Variants in UHRF1 observed in about 807,000 individuals in gnomAD.
The protein encoded by UHRF1 is ubiquitin like with PHD and ring finger domains 1.
In UHRF1, 9 loss-of-function variants were observed where a neutral mutation model predicts 96.5. The ratio of observed to expected loss-of-function variants is 0.09; its 90% confidence interval spans 0.06 to 0.16. The LOEUF is 0.16. Ranked by LOEUF, UHRF1 falls within the 10% of genes least tolerant of loss-of-function variation. UHRF1 has a pLI of 1.00. For synonymous variants in UHRF1, 455 were observed against 469.9 expected (o/e 0.97, Z 0.41); for missense variants, 626 against 1,131.1 (o/e 0.55, Z 6.40).
At chr19:4,943,758 C>T (rs1234792760) in intron 7 of UHRF1, among the ~76,000 whole-genome samples, 1 of 152,060 alleles carries the variant, frequency 6.6e-6, no homozygotes, top group Non-Finnish European at 1.5e-5. Context: ...TCAAGCGATT[C>T]TCCTGCCTCA....
At chr19:4,916,037 T>C (rs917999735) in intron 2 of UHRF1, among the ~76,000 whole-genome samples, 3 of 152,014 alleles carry the variant, frequency 2.0e-5, no homozygotes, top group Non-Finnish European at 4.4e-5. Context: ...AGGCCAGGCA[T>C]GGTAGCTCAC....
At chr19:4,959,223 A>G (rs17879297) in intron 16 of UHRF1, among the ~76,000 whole-genome samples, 3,614 of 150,252 alleles carry the variant, frequency 0.024, 143 homozygotes, top group African/African-American at 0.081. Context: ...CCAGCTACTC[A>G]GGAGGCTGAG....
chr19:4,908,545 C>T (rs1167461911), upstream of UHRF1, among the ~76,000 whole-genome samples: 1 of 152,060 alleles, frequency 6.6e-6, no homozygotes, highest in Non-Finnish European at 1.5e-5. Flanking sequence ...TTTCCGGCCT[C>T]TGGGTTTGAC....
intron 15 of UHRF1, among the ~76,000 whole-genome samples, chr19:4,955,902 C>T (rs2033845436): frequency 6.6e-6 from 1 of 152,066 alleles, no homozygotes; most frequent in African/African-American, 2.4e-5. Context: ...ACTCCCAGGC[C>T]ACGCCTATGT....
At chr19:4,936,670 A>G (rs2033225257) in intron 5 of UHRF1, among the ~76,000 whole-genome samples, 1 of 152,052 alleles carries the variant, frequency 6.6e-6, no homozygotes, top group South Asian at 2.1e-4. Flanking sequence ...GGCTAGGCGC[A>G]GTGGCTCAGG....
At chr19:4,941,085 G>GTTTTT (rs869250736) in intron 5 of UHRF1, among the ~76,000 whole-genome samples, 535 of 50,006 alleles carry the variant, frequency 0.011, no homozygotes, top group Middle Eastern at 0.019. Flanking sequence ...TCTGTGTTTT[G>GTTTTT]TTTTTTTTTT....
intron 16 of UHRF1, among the ~76,000 whole-genome samples, chr19:4,958,781 G>C (rs576113662): frequency 1.5e-4 from 23 of 152,066 alleles, no homozygotes; most frequent in Middle Eastern, 3.4e-3. Context: ...AGACCAGCCC[G>C]GGCAACATGG....
upstream of UHRF1, among the ~76,000 whole-genome samples, chr19:4,905,123 T>C (rs1337932844): frequency 1.4e-5 from 2 of 143,134 alleles, no homozygotes; most frequent in Non-Finnish European, 3.0e-5. Flanking sequence ...TTTTTTTTTT[T>C]TTTTTTTTTT....
chr19:4,935,545 A>G (rs1599271344), intron 5 of UHRF1, among the ~76,000 whole-genome samples: 1 of 139,238 alleles, frequency 7.2e-6, no homozygotes, highest in East Asian at 2.0e-4. Context: ...TGGGGGCTTC[A>G]TTTTTTTTTT....
chr19:4,912,209 C>T (rs562548861), intron 2 of UHRF1, among the ~76,000 whole-genome samples: 3 of 152,168 alleles, frequency 2.0e-5, no homozygotes, highest in African/African-American at 2.4e-5. Context: ...CGGTGCAAGC[C>T]GCGTGTGTGC....
rs551162475 is a variant in UHRF1, at chr19:4,903,797, C to T, written c.-11+152C>T. 3.9e-5 allele frequency among the ~76,000 whole-genome samples: 6 copies of T among 152,228 alleles called. No homozygotes were observed. The South Asian group carries it at 1.2e-3, about 32-fold the overall frequency. On this transcript the variant is annotated intron_variant, in intron 1 of 16. Coordinates refer to the UHRF1 transcript ENST00000612630. ...GGATTACAGTTGTGAGCCACTGTGC[C>T]CAGGTGCATACACACTCATTTTCAT...
Position 4,947,102 on chromosome 19 carries a change from C to T in UHRF1, c.1411-3C>T, listed in dbSNP as rs1406996880. On this transcript the variant is annotated splice_polypyrimidine_tract_variant and splice_region_variant and intron_variant, in intron 10 of 16. Transcript: ENST00000650932. ...GTTCACCCAGCCTTCTTGTCTGTTT[C>T]AGGACCATGGGAATTTTTTCACATA... The T allele has an allele frequency of 6.3e-7, 1 of 1,598,486 alleles. No homozygotes were observed. The highest frequency in any genetic ancestry group is 8.5e-7 in the Non-Finnish European group (1 of 1,171,038).
chr19:4,917,685 G>A (rs1464722903), intron 2 of UHRF1, among the ~76,000 whole-genome samples: 2 of 147,618 alleles, frequency 1.4e-5, no homozygotes, highest in Admixed American at 6.8e-5. Flanking sequence ...AAAGAGACAA[G>A]GTCTTGCTGT....
At chr19:4,938,696 A>G (rs1255571652) in intron 5 of UHRF1, among the ~76,000 whole-genome samples, 1 of 134,116 alleles carries the variant, frequency 7.5e-6, no homozygotes, top group African/African-American at 2.8e-5. Context: ...GGCATGAGCC[A>G]CTGCACCTGG....
At chr19:4,949,795 A>G (rs1022739557) in intron 11 of UHRF1, among the ~76,000 whole-genome samples, 2 of 151,840 alleles carry the variant, frequency 1.3e-5, no homozygotes, top group African/African-American at 2.4e-5. Flanking sequence ...TGATCATGCC[A>G]TTGCATTCCA....
chr19:4,923,569 A>G (rs1349094083), intron 2 of UHRF1, among the ~76,000 whole-genome samples: 1 of 152,170 alleles, frequency 6.6e-6, no homozygotes, highest in Non-Finnish European at 1.5e-5. Context: ...CAGGATGCTC[A>G]CGCCGCTCTG....
At chr19:4,924,219 G>A (rs992720122) in intron 2 of UHRF1, among the ~76,000 whole-genome samples, 1 of 152,076 alleles carries the variant, frequency 6.6e-6, no homozygotes, top group African/African-American at 2.4e-5. Context: ...GCGTGATCTC[G>A]GCTCACGGCA....
At chr19:4,944,970 G>C (rs2033519381) in intron 9 of UHRF1, among the ~76,000 whole-genome samples, 1 of 152,208 alleles carries the variant, frequency 6.6e-6, no homozygotes, top group Admixed American at 6.5e-5. Flanking sequence ...ATGACAACCA[G>C]AAACGTCTGC....
At chr19:4,906,449 G>A (rs1201608799), upstream of UHRF1, among the ~76,000 whole-genome samples, 2 of 152,106 alleles carry the variant, frequency 1.3e-5, no homozygotes, top group Admixed American at 6.6e-5. Context: ...CCCTCACCAC[G>A]TGTACATGAA....
Sources: allele counts gnomAD v4.1 joint callset (sites outside exome capture counted in the v4.1 genomes callset), GRCh38; gene constraint gnomAD v4.1.1; transcripts MANE v1.5; gene names NCBI Gene and HGNC (gene_info 2026-07-23, HGNC 2026-07-21).